The following USP6NL variants were observed in gnomAD, a reference collection of about 807,000 sequenced individuals.
The protein encoded by USP6NL is USP6 N-terminal-like protein.
In USP6NL, 26 loss-of-function variants were observed where a neutral mutation model predicts 61.9. The ratio of observed to expected loss-of-function variants is 0.42; its 90% CI spans 0.31 to 0.58. USP6NL has a LOEUF of 0.58. Ranked by LOEUF, USP6NL falls within the 20% of genes least tolerant of loss-of-function variation. The probability of loss-of-function intolerance (pLI) is 0.16; values close to 1 mark genes in which losing one functional copy is unlikely to be tolerated. For missense variants in USP6NL, 1,114 were observed against 1,034.3 expected (o/e 1.08, Z -1.06); for synonymous variants, 432 against 390.1 (o/e 1.11, Z -1.27).
chr10:11,579,079 G>A (rs893858701), intron 2 of USP6NL, among the ~76,000 whole-genome samples: 1 of 152,180 alleles, frequency 6.6e-6, no homozygotes, highest in Non-Finnish European at 1.5e-5. Flanking sequence ...GATCCTGTAA[G>A]TAATACTTAC....
Position 11,592,714 on chromosome 10 carries a change from G to C in USP6NL, c.4+4917C>G, listed in dbSNP as rs914734303. ...CAAAACAGTTTATCTATCTAGATAG[G>C]CTACTGTCCTAGAGAGTTTTAGCCA... On this transcript the variant is annotated intron_variant, in intron 2 of 14. Coordinates refer to ENST00000609104, the MANE Select transcript of USP6NL (RefSeq NM_014688.5). The surrounding 1 kb of genome is among the most constrained non-coding windows in gnomAD (Gnocchi z 4.7). Among the ~76,000 whole-genome samples the C allele has an allele frequency of 6.6e-6, 1 of 152,034 alleles. No homozygotes were observed. The highest frequency in any genetic ancestry group is 1.5e-5 in the Non-Finnish European group (1 of 67,996).
At chr10:11,538,474 G>A (rs1400982086) in intron 2 of USP6NL, among the ~76,000 whole-genome samples, 2 of 152,028 alleles carry the variant, frequency 1.3e-5, no homozygotes, top group African/African-American at 4.8e-5. Flanking sequence ...GGTGTCTCTG[G>A]TATCTATCAG....
At position 11,537,205 on chromosome 10, in the gene USP6NL, G is replaced by C. The variant is rs1391552170; in HGVS notation, c.5-9638C>G. 1.3e-5 allele frequency among the ~76,000 whole-genome samples: 2 copies of C among 150,484 alleles called. No homozygotes were observed. Among genetic ancestry groups the C allele is most frequent in the Non-Finnish European group, 3.0e-5 (2 of 67,348 alleles). ...AGTTCACTGCAGCGTCAATCTCCCA[G>C]GTGATCCTCCCACCTCAGCCTCCTG... On this transcript the variant is annotated intron_variant, in intron 2 of 14. Coordinates refer to ENST00000609104, the MANE Select transcript of USP6NL (RefSeq NM_014688.5). This position sits in a 1 kb window ranked among gnomAD's most constrained non-coding sequence, Gnocchi z 5.1.
In USP6NL at chr10:11,490,754, G is replaced by A. The variant is rs541513275; in HGVS notation, c.543+78C>T. On this transcript the variant is annotated intron_variant, in intron 9 of 14. Coordinates refer to ENST00000609104, the MANE Select transcript of USP6NL (RefSeq NM_014688.5). The surrounding 1 kb of genome is among the most constrained non-coding windows in gnomAD (Gnocchi z 4.5). ...CCACCTAGCTCTGAGATGCAGAAAT[G>A]TGCCCACAGGGCCCTGCTAAGTAGG... 6.5e-6 allele frequency: 9 copies of A among 1,389,052 alleles called. No individual in the cohort carries two copies. The Admixed American group carries it at 9.9e-5, about 15-fold the overall frequency. The allele number at this position is 1,389,052 out of a possible 1,614,324, so 86.0% of individuals were successfully genotyped here.
intron 4 of USP6NL, among the ~76,000 whole-genome samples, chr10:11,524,212 T>C (rs1835333090): frequency 6.6e-6 from 1 of 152,098 alleles, no homozygotes; most frequent in Non-Finnish European, 1.5e-5. Flanking sequence ...GCAAAACCTG[T>C]CTCGACAAAA....
At chr10:11,607,061 T>C (rs990892488) in intron 1 of USP6NL, among the ~76,000 whole-genome samples, 2 of 152,200 alleles carry the variant, frequency 1.3e-5, no homozygotes, top group Admixed American at 6.5e-5. Flanking sequence ...AGTGCTGGGC[T>C]TATAGGAGTG....
chr10:11,510,127 G>GT lies in USP6NL; in HGVS notation c.196-453dup, dbSNP rs1236600569. Among the ~76,000 whole-genome samples, 1 of 152,132 alleles carries GT rather than the reference G, an allele frequency of 6.6e-6. No homozygotes were observed. The highest frequency in any genetic ancestry group is 2.4e-5 in the African/African-American group (1 of 41,418). On this transcript the variant is annotated intron_variant, in intron 5 of 14. Coordinates refer to ENST00000609104, the MANE Select transcript of USP6NL (RefSeq NM_014688.5). This position sits in a 1 kb window ranked among gnomAD's most constrained non-coding sequence, Gnocchi z 4.8. ...ATTTATTTAATGGAAAGATTAATGT[G>GT]TAAGTAGCCTTATGCTAGAGGGAAA... is the stretch of plus-strand genomic sequence containing the variant.
chr10:11,462,667 CG>C lies in USP6NL; in HGVS notation c.2260del (p.Arg754GlufsTer29). On this transcript the variant is annotated frameshift_variant, in exon 15 of 15. Coordinates refer to ENST00000609104, the MANE Select transcript of USP6NL (RefSeq NM_014688.5). LOFTEE classifies it low-confidence loss of function (END_TRUNC). ...RPETQGQSWT[R>X]DASRGNLPKY... is the part of the protein sequence containing the mutation. ...TGGTAAATTGCCACGGCTAGCATCTCGGGTCCATGATTGTCCCTGCGTCTCA... is the reference window on the plus strand; with the variant it reads ...TGGTAAATTGCCACGGCTAGCATCTCGGTCCATGATTGTCCCTGCGTCTCA... 3 of 1,613,962 alleles carry C rather than the reference CG, an allele frequency of 1.9e-6. No individual in the cohort carries two copies. The highest frequency in any genetic ancestry group is 2.5e-6 in the Non-Finnish European group (3 of 1,179,888).
intron 13 of USP6NL, among the ~76,000 whole-genome samples, chr10:11,484,354 G>C (rs191966931): frequency 6.6e-6 from 1 of 150,764 alleles, no homozygotes; most frequent in African/African-American, 2.4e-5. Context: ...CAAATTTATA[G>C]AGCCCTTAAA....
rs1036083647 is a variant in USP6NL, at chr10:11,489,015, T to A, written c.664+87A>T. On this transcript the variant is annotated intron_variant, in intron 10 of 14. Transcript: ENST00000609104. This position sits in a 1 kb window ranked among gnomAD's most constrained non-coding sequence, Gnocchi z 5.7. ...GCCCTGAGACATTAAATTTGCTGTA[T>A]GTAACTCTTGCAAGCATCTTTGGTT... The A allele has an allele frequency of 6.4e-7, 1 of 1,550,562 alleles. No individual in the cohort carries two copies. Among genetic ancestry groups the A allele is most frequent in the Non-Finnish European group, 8.7e-7 (1 of 1,144,010 alleles).
At chr10:11,497,996 G>C (rs1834011626) in intron 7 of USP6NL, among the ~76,000 whole-genome samples, 1 of 152,006 alleles carries the variant, frequency 6.6e-6, no homozygotes, top group African/African-American at 2.4e-5. Flanking sequence ...CCAGCACTTT[G>C]GGAGGCCAAG....
intron 2 of USP6NL, among the ~76,000 whole-genome samples, chr10:11,541,274 T>A (rs1419184624): frequency 4.9e-5 from 6 of 122,700 alleles, no homozygotes; most frequent in Non-Finnish European, 1.0e-4. Flanking sequence ...TATATATATA[T>A]ATGTATGTCA....
intron 2 of USP6NL, among the ~76,000 whole-genome samples, chr10:11,558,169 C>T (rs1591926217): frequency 6.6e-6 from 1 of 152,138 alleles, no homozygotes; most frequent in Non-Finnish European, 1.5e-5. Context: ...TGACAGGTGG[C>T]TCCCAAACAA....
At position 11,525,539 on chromosome 10, in the gene USP6NL, C is replaced by T. The variant is rs897738727; in HGVS notation, c.73-71G>A. 14 of 1,307,136 alleles carry T rather than the reference C, an allele frequency of 1.1e-5. No individual in the cohort carries two copies. Among genetic ancestry groups the T allele is most frequent in the African/African-American group, 3.1e-5 (2 of 64,448 alleles). The allele number at this position is 1,307,136 out of a possible 1,614,324, so 81.0% of individuals were successfully genotyped here. ...TGAATAATTTTTTAAAATAAAAGGA[C>T]GAAGAAATAAGAGCTATTTTTAATG... On this transcript the variant is annotated intron_variant, in intron 3 of 14. Coordinates refer to ENST00000609104, the MANE Select transcript of USP6NL (RefSeq NM_014688.5). The surrounding 1 kb of genome is among the most constrained non-coding windows in gnomAD (Gnocchi z 5.0).
At chr10:11,509,847 C>T (rs1296577755) in intron 5 of USP6NL, among the ~76,000 whole-genome samples, 172 bp from the exon 6 acceptor site, 2 of 152,098 alleles carry the variant, frequency 1.3e-5, no homozygotes, top group Non-Finnish European at 2.9e-5. Flanking sequence ...AATACTAGTC[C>T]ATAGCTAAAG....
At chr10:11,539,687 T>A (rs1308431682) in intron 2 of USP6NL, among the ~76,000 whole-genome samples, 1 of 152,192 alleles carries the variant, frequency 6.6e-6, no homozygotes, top group African/African-American at 2.4e-5. Flanking sequence ...GCTGACAAAG[T>A]CAAGATTATA....
chr10:11,586,836 T>C (rs1199956499), intron 2 of USP6NL, among the ~76,000 whole-genome samples: 1 of 152,156 alleles, frequency 6.6e-6, no homozygotes, highest in Non-Finnish European at 1.5e-5. Flanking sequence ...ATTCTCCCAA[T>C]ACCAAGCTTT....
Position 11,585,303 on chromosome 10 carries a change from T to TA in USP6NL, c.4+12327dup, listed in dbSNP as rs1053823619. ...ACAGTATGGCAGTTCCTTGCAAAAT[T>TA]AAAAAAAAGAATTACAGTATGATCC... On this transcript the variant is annotated intron_variant, in intron 2 of 14. Coordinates refer to ENST00000609104, the MANE Select transcript of USP6NL (RefSeq NM_014688.5). The surrounding 1 kb of genome is among the most constrained non-coding windows in gnomAD (Gnocchi z 4.5). 4.0e-5 allele frequency among the ~76,000 whole-genome samples: 6 copies of TA among 151,894 alleles called. No homozygotes were observed. The highest frequency in any genetic ancestry group is 5.9e-5 in the Non-Finnish European group (4 of 67,948).
rs116806115 is a variant in USP6NL at position 11,470,222 on chromosome 10, A to G, written c.1079-6373T>C. 0.015 allele frequency among the ~76,000 whole-genome samples: 2,335 copies of G among 152,236 alleles called. 42 individuals are homozygous for G. The highest frequency in any genetic ancestry group is 0.053 in the African/African-American group (2,197 of 41,516). ...AGAAGCAGCCAGCAGCGCAGAGGGC[A>G]TGAGGATGGAGAAGGTGGAGGATGG... is the stretch of plus-strand genomic sequence containing the variant. On this transcript the variant is annotated intron_variant, in intron 14 of 14. Transcript: ENST00000609104. This position sits in a 1 kb window ranked among gnomAD's most constrained non-coding sequence, Gnocchi z 5.4.
Sources: gnomAD v4.1 joint callset for allele counts (sites outside exome capture counted in the v4.1 genomes callset) on GRCh38, gnomAD v4.1.1 for gene constraint, Gnocchi (gnomAD v3.1) non-coding constraint, MANE v1.5 for transcripts, NCBI Gene and HGNC (gene_info 2026-07-23, HGNC 2026-07-21) for gene names.